The following MIR2052HG variants were observed in gnomAD, a reference collection of about 807,000 sequenced individuals.
MIR2052HG encodes the protein MIR2052 host gene.
intron 4 of MIR2052HG, among the ~76,000 whole-genome samples, chr8:74,737,480 A>G (rs1303919496): frequency 6.6e-6 from 1 of 152,082 alleles, no homozygotes; most frequent in Non-Finnish European, 1.5e-5. Context: ...GTTTTGTCCA[A>G]TTCTTAGTTC....
At chr8:74,617,596 T>A (rs1260891460) in intron 2 of MIR2052HG, among the ~76,000 whole-genome samples, 1 of 152,230 alleles carries the variant, frequency 6.6e-6, no homozygotes, top group Admixed American at 6.5e-5. Flanking sequence ...ATTTTAAAAA[T>A]CCAGTTCTTT....
At chr8:74,704,802 C>A (rs1016044670) in intron 4 of MIR2052HG, among the ~76,000 whole-genome samples, 1 of 152,032 alleles carries the variant, frequency 6.6e-6, no homozygotes, top group Admixed American at 6.6e-5. Context: ...TTTGGAAGAA[C>A]TTCAGGAGGC....
chr8:74,602,876 T>TCTTTTCTTTCTTTC (rs1554570015), intron 1 of MIR2052HG, among the ~76,000 whole-genome samples: 43 of 137,074 alleles, frequency 3.1e-4, no homozygotes, highest in East Asian at 1.3e-3. Flanking sequence ...TTTCTTTCTT[T>TCTTTTCTTTCTTTC]TTTCTATTCA....
intron 1 of MIR2052HG, among the ~76,000 whole-genome samples, chr8:74,607,628 A>G (rs1467049743): frequency 6.6e-6 from 1 of 152,132 alleles, no homozygotes; most frequent in Non-Finnish European, 1.5e-5. Flanking sequence ...ATAAAAATAC[A>G]CAAAACCAGA....
chr8:74,678,096 G>T (rs950441583), intron 2 of MIR2052HG, among the ~76,000 whole-genome samples: 1 of 152,062 alleles, frequency 6.6e-6, no homozygotes, highest in Admixed American at 6.6e-5. Flanking sequence ...ATAAAAAGTT[G>T]GCTGAAGAGA....
chr8:74,671,204 A>G (rs1347644121), intron 2 of MIR2052HG, among the ~76,000 whole-genome samples: 1 of 151,920 alleles, frequency 6.6e-6, no homozygotes, highest in African/African-American at 2.4e-5. Flanking sequence ...TAAGTCTGGT[A>G]TTAACTTTAA....
chr8:74,730,774 A>G (rs2128754811), intron 4 of MIR2052HG, among the ~76,000 whole-genome samples: 1 of 145,334 alleles, frequency 6.9e-6, no homozygotes, highest in African/African-American at 2.7e-5. Flanking sequence ...TATATTGATT[A>G]ACTGTTGAAG....
chr8:74,704,866 C>T (rs1809394117), intron 4 of MIR2052HG, among the ~76,000 whole-genome samples: 1 of 152,054 alleles, frequency 6.6e-6, no homozygotes, highest in Non-Finnish European at 1.5e-5. Context: ...GCAATCTTCA[C>T]AAACTATCCT....
chr8:74,701,580 A>G (rs765551004), intron 2 of MIR2052HG, among the ~76,000 whole-genome samples: 83 of 152,110 alleles, frequency 5.5e-4, no homozygotes, highest in Middle Eastern at 3.4e-3. Flanking sequence ...AGGTTATGAC[A>G]TTGGCTCTTT....
At chr8:74,746,988 T>C (rs574985032) in intron 4 of MIR2052HG, among the ~76,000 whole-genome samples, 11 of 152,234 alleles carry the variant, frequency 7.2e-5, no homozygotes, top group African/African-American at 2.6e-4. Context: ...GCTGTAATCA[T>C]AGGAAAAAAG....
At chr8:74,695,965 C>A (rs973691774) in intron 2 of MIR2052HG, among the ~76,000 whole-genome samples, 1 of 152,068 alleles carries the variant, frequency 6.6e-6, no homozygotes, top group African/African-American at 2.4e-5. Context: ...TACCCTAGAA[C>A]AAATTAACTT....
At chr8:74,608,164 T>A (rs778525014) in intron 1 of MIR2052HG, among the ~76,000 whole-genome samples, 7 of 152,040 alleles carry the variant, frequency 4.6e-5, no homozygotes, top group Non-Finnish European at 8.8e-5. Context: ...CTGTTAACTC[T>A]TGGATCACCT....
chr8:74,706,501 T>C (rs1377294964), intron 4 of MIR2052HG, among the ~76,000 whole-genome samples: 3 of 152,096 alleles, frequency 2.0e-5, no homozygotes, highest in Admixed American at 2.0e-4. Flanking sequence ...TATAGCGAAA[T>C]TCAGGAGCTG....
At chr8:74,611,782 A>T (rs1808199776) in intron 1 of MIR2052HG, among the ~76,000 whole-genome samples, 1 of 152,144 alleles carries the variant, frequency 6.6e-6, no homozygotes, top group Non-Finnish European at 1.5e-5. Context: ...AAATCCATCC[A>T]TTCATCCATC....
intron 2 of MIR2052HG, among the ~76,000 whole-genome samples, chr8:74,687,442 C>G (rs1302741580): frequency 1.3e-5 from 2 of 152,094 alleles, no homozygotes; most frequent in Non-Finnish European, 2.9e-5. Flanking sequence ...ATGTAAACAA[C>G]CCAAGTGTCC....
intron 2 of MIR2052HG, among the ~76,000 whole-genome samples, chr8:74,618,605 T>C (rs1283983792): frequency 6.6e-6 from 1 of 152,176 alleles, no homozygotes; most frequent in African/African-American, 2.4e-5. Context: ...TATTTCATCA[T>C]AAAAACTTGC....
intron 2 of MIR2052HG, among the ~76,000 whole-genome samples, chr8:74,630,329 C>G (rs780170734): frequency 6.6e-6 from 1 of 151,978 alleles, no homozygotes; most frequent in African/African-American, 2.4e-5. Context: ...GGCTGCTGCT[C>G]TTTCTGGATA....
At chr8:74,603,924 A>G (rs947761889) in intron 1 of MIR2052HG, 6 of 1,105,314 alleles carry the variant, frequency 5.4e-6, no homozygotes, top group Non-Finnish European at 8.4e-6. Flanking sequence ...AGCCACACTG[A>G]CTAGCAGGGA....
intron 4 of MIR2052HG, among the ~76,000 whole-genome samples, chr8:74,712,582 C>A (rs1450391289): frequency 6.6e-6 from 1 of 152,118 alleles, no homozygotes; most frequent in Admixed American, 6.6e-5. Context: ...AGCCTATAAG[C>A]AGTGGATCAG....
Sources: allele counts gnomAD v4.1 joint callset (sites outside exome capture counted in the v4.1 genomes callset), GRCh38; gene constraint gnomAD v4.1.1; transcripts MANE v1.5; gene names NCBI Gene and HGNC (gene_info 2026-07-23, HGNC 2026-07-21).